DNMT1: variants seen among roughly 807,000 people sequenced by gnomAD.
DNMT1 encodes DNA methyltransferase 1.
A neutral mutation model predicts 205.3 loss-of-function variants in DNMT1; 24 were observed. The observed-to-expected ratio is 0.12, with a 90% CI of 0.08 to 0.16. The LOEUF is 0.16. Ranked by LOEUF, DNMT1 falls within the 10% of genes least tolerant of loss-of-function variation. The probability of loss-of-function intolerance (pLI) is 1.00; values close to 1 mark genes in which losing one functional copy is unlikely to be tolerated. For synonymous variants in DNMT1, 817 were observed against 839.8 expected, an observed-to-expected ratio of 0.97 and a Z score of 0.47; for missense variants, 1,293 against 2,177.7, an observed-to-expected ratio of 0.59 and a Z score of 8.09.
intron 8 of DNMT1, 33 bp from the exon 9 acceptor site, chr19:10,173,207 G>C (rs1356034800): frequency 6.2e-7 from 1 of 1,609,124 alleles, no homozygotes; most frequent in Non-Finnish European, 8.5e-7. Context: ...CCCCAAGTGT[G>C]AGTGCCAGGA....
intron 1 of DNMT1, among the ~76,000 whole-genome samples, chr19:10,186,522 T>C (rs1272826584): frequency 6.6e-6 from 1 of 151,812 alleles, no homozygotes; most frequent in East Asian, 1.9e-4. Context: ...AGATGAACCC[T>C]CTGCAGAGGG....
intron 2 of DNMT1, 93 bp downstream of exon 2, chr19:10,181,948 A>G: frequency 8.4e-7 from 1 of 1,191,796 alleles, no homozygotes; most frequent in Non-Finnish European, 1.2e-6. Context: ...GAAAAAATGC[A>G]AAATCCATTT....
chr19:10,176,910 T>A (rs1160377265), intron 6 of DNMT1, among the ~76,000 whole-genome samples: 3 of 152,118 alleles, frequency 2.0e-5, no homozygotes, highest in East Asian at 1.9e-4. Flanking sequence ...AGTAATTTTT[T>A]AAAAAGTTGT....
chr19:10,179,917 G>A (rs2039010346), intron 5 of DNMT1: 1 of 179,674 alleles, frequency 5.6e-6, no homozygotes, highest in Non-Finnish European at 1.2e-5. Flanking sequence ...TTGAAACTGG[G>A]AGGCGGAGGT....
At position 10,140,344 on chromosome 19, in the gene DNMT1, C is replaced by T. The variant is rs199694630; in HGVS notation, c.3524-16G>A. 1.8e-4 allele frequency: 285 copies of T among 1,613,000 alleles called. 1 individual carries two copies. The Middle Eastern group carries it at 6.4e-3, about 36-fold the overall frequency. Reference sequence around the variant, plus strand: ...TCAGAGATGCCTGGCAGATCAAGCACGAAGCCATGCTTTCAACTCTCCAGA... The same window carrying T: ...TCAGAGATGCCTGGCAGATCAAGCATGAAGCCATGCTTTCAACTCTCCAGA... On this transcript the variant is annotated splice_polypyrimidine_tract_variant and intron_variant, in intron 32 of 40. Transcript: ENST00000359526. The surrounding 1 kb of genome is among the most constrained non-coding windows in gnomAD (Gnocchi z 8.4).
chr19:10,146,393 A>T lies in DNMT1; in HGVS notation c.2852T>A (p.Val951Asp). Reference sequence around the variant, plus strand: ...AGGGGGCAGGTACACACCATCACCAACTCGGTACAGGATGCCGTTCTTGGT... The same window carrying T: ...AGGGGGCAGGTACACACCATCACCATCTCGGTACAGGATGCCGTTCTTGGT... ...SATKNGILYR[V>D]GDGVYLPPEA... Residue 951 changes from valine to aspartate, a missense_variant, in exon 28 of 41, where the codon GTT becomes GAT. By Grantham distance (152) the Val-to-Asp change is radical. Transcript: ENST00000359526. The surrounding 1 kb of genome is among the most constrained non-coding windows in gnomAD (Gnocchi z 4.4). 1.2e-6 allele frequency: 2 copies of T among 1,613,120 alleles called. No homozygotes were observed. The highest frequency in any genetic ancestry group is 1.7e-6 in the Non-Finnish European group (2 of 1,179,818).
At chr19:10,191,860 CAG>C (rs1454690924) in intron 1 of DNMT1, among the ~76,000 whole-genome samples, 1 of 151,166 alleles carries the variant, frequency 6.6e-6, no homozygotes. Flanking sequence ...TTTTCTGAGA[CAG>C]AGTTTCGCTC....
chr19:10,137,017 G>A lies in DNMT1; in HGVS notation c.4489+68C>T. The A allele has an allele frequency of 6.4e-7, 1 of 1,565,484 alleles. No individual in the cohort carries two copies. Among genetic ancestry groups the A allele is most frequent in the Admixed American group, 1.9e-5 (1 of 52,370 alleles). On this transcript the variant is annotated intron_variant, in intron 37 of 40. Transcript: ENST00000359526. The surrounding 1 kb of genome is among the most constrained non-coding windows in gnomAD (Gnocchi z 6.4). ...CCCTGCCCTGGCCTCCAGGTTCACAGGCCAAAGGCCCAGGGCTCTGCCTTC... is the reference window on the plus strand; with the variant it reads ...CCCTGCCCTGGCCTCCAGGTTCACAAGCCAAAGGCCCAGGGCTCTGCCTTC...
intron 10 of DNMT1, among the ~76,000 whole-genome samples, 160 bp from the exon 11 acceptor site, chr19:10,166,845 TC>T (rs1489755695): frequency 1.3e-5 from 2 of 152,164 alleles, no homozygotes; most frequent in Non-Finnish European, 2.9e-5. Context: ...CATTTACTAC[TC>T]CAGGACTCAA....
Position 10,140,966 on chromosome 19 carries a change from T to C in DNMT1, c.3395-57A>G, listed in dbSNP as rs2089589278. ...TCCTCAGAGTCCAAGTCCACCTTGC[T>C]CTCAAGCGCCTTGTTAACTCAGGCG... On this transcript the variant is annotated intron_variant, in intron 31 of 40. Transcript: ENST00000359526. The surrounding 1 kb of genome is among the most constrained non-coding windows in gnomAD (Gnocchi z 8.4). The C allele has an allele frequency of 6.2e-7, 1 of 1,613,732 alleles. No individual in the cohort carries two copies. The highest frequency in any genetic ancestry group is 8.5e-7 in the Non-Finnish European group (1 of 1,180,018).
chr19:10,160,557 G>T, intron 13 of DNMT1, 139 bp from the exon 14 acceptor site: 4 of 870,802 alleles, frequency 4.6e-6, no homozygotes, highest in Non-Finnish European at 7.4e-6. Context: ...GGGCCAGCAG[G>T]TGAGCTCTGA....
chr19:10,176,158 A>T lies in DNMT1; in HGVS notation c.570-540T>A, dbSNP rs530328531. ...ACTCCAGCCTGGGCTACAGAGCAAGACTCCGTATCAAAAAAAAAAAAAAGT... is the reference window on the plus strand; with the variant it reads ...ACTCCAGCCTGGGCTACAGAGCAAGTCTCCGTATCAAAAAAAAAAAAAAGT... On this transcript the variant is annotated intron_variant, in intron 6 of 40. Transcript: ENST00000359526. 4.3e-5 allele frequency among the ~76,000 whole-genome samples: 6 copies of T among 140,992 alleles called. No homozygotes were observed. The South Asian group carries it at 1.4e-3, about 33-fold the overall frequency. The allele number at this position is 140,992 out of a possible 152,430, so 92.5% of individuals were successfully genotyped here. A position where few individuals can be genotyped will look rare whatever the true frequency, so the allele number is the denominator to read the frequency against.
rs372903428 is a variant in DNMT1, at chr19:10,177,284, A to T, written c.569+8T>A. ...AAAAAGGCAGCCGCCAATTTATCGT[A>T]TACTGACCCCTTTGCAAAATGAGAT... On this transcript the variant is annotated splice_region_variant and intron_variant, in intron 6 of 40. Transcript: ENST00000359526. 6.2e-7 allele frequency: 1 copy of T among 1,613,930 alleles called. No homozygotes were observed. Among genetic ancestry groups the T allele is most frequent in the Non-Finnish European group, 8.5e-7 (1 of 1,179,916 alleles).
intron 1 of DNMT1, among the ~76,000 whole-genome samples, chr19:10,191,477 AGT>A (rs2039304064): frequency 6.6e-6 from 1 of 151,924 alleles, no homozygotes; most frequent in South Asian, 2.1e-4. Context: ...AAGCAATCTG[AGT>A]GTAAAGAAAT....
At chr19:10,135,957 G>A in intron 38 of DNMT1, 105 bp from the exon 39 acceptor site, 1 of 1,484,862 alleles carries the variant, frequency 6.7e-7, no homozygotes, top group Non-Finnish European at 9.1e-7. Flanking sequence ...CCATGGCCTT[G>A]GCCTATGAGC....
chr19:10,139,993 T>G lies in DNMT1; in HGVS notation c.3806+53A>C, dbSNP rs927463229. 9 of 1,601,602 alleles carry G rather than the reference T, an allele frequency of 5.6e-6. No individual in the cohort carries two copies. In the African/African-American group the frequency reaches 9.3e-5, roughly 17 times the overall value. On this transcript the variant is annotated intron_variant, in intron 33 of 40. Coordinates refer to ENST00000359526, the MANE Select transcript of DNMT1 (RefSeq NM_001130823.3). The stretch of plus-strand genomic sequence containing the variant: ...AGGGCGAAAATGACCACTGCTGACA[T>G]GCGGCACAGCCCCGGGCCGTCTGGC...
intron 26 of DNMT1, 136 bp from the exon 27 acceptor site, chr19:10,149,153 G>A (rs1179212328): frequency 1.8e-5 from 23 of 1,269,582 alleles, no homozygotes; most frequent in African/African-American, 1.0e-4. Flanking sequence ...GTGAAACCCC[G>A]TCTCTACTAA....
At chr19:10,186,051 G>GTA (rs2039173475) in intron 1 of DNMT1, among the ~76,000 whole-genome samples, 1 of 152,076 alleles carries the variant, frequency 6.6e-6, no homozygotes, top group African/African-American at 2.4e-5. Context: ...ACGCCGCTGA[G>GTA]AAAACTGGAA....
At chr19:10,149,743 T>C (rs753659737) in intron 25 of DNMT1, 86 bp from the exon 26 acceptor site, 22 of 1,609,156 alleles carry the variant, frequency 1.4e-5, no homozygotes, top group Non-Finnish European at 1.7e-5. Context: ...ACTCGTCCTT[T>C]TCAGTTTTCA....
Sources: gnomAD v4.1 joint callset for allele counts (sites outside exome capture counted in the v4.1 genomes callset) on GRCh38, gnomAD v4.1.1 for gene constraint, Gnocchi (gnomAD v3.1) non-coding constraint, MANE v1.5 for transcripts, NCBI Gene and HGNC (gene_info 2026-07-23, HGNC 2026-07-21) for gene names.